TBC1D22A: variants seen among roughly 807,000 people sequenced by gnomAD.
TBC1D22A encodes the protein putative GTPase activator.
A neutral mutation model predicts 60.2 loss-of-function variants in TBC1D22A; 38 were observed. The observed-to-expected ratio is 0.63, with a 90% confidence interval of 0.49 to 0.83. The LOEUF (loss-of-function observed/expected upper bound fraction) is 0.83, where lower values mean the gene tolerates loss of function less well. Ranked by LOEUF, TBC1D22A falls within the 40% of genes least tolerant of loss-of-function variation. The pLI, the probability that TBC1D22A is intolerant of heterozygous loss-of-function variation, is 0.00. For synonymous variants in TBC1D22A, 302 were observed against 281.7 expected (o/e 1.07, Z -0.72); for missense variants, 628 against 701.0 (o/e 0.90, Z 1.18).
chr22:47,086,395 C>T (rs1446180439), intron 11 of TBC1D22A, among the ~76,000 whole-genome samples: 5 of 152,142 alleles, frequency 3.3e-5, no homozygotes, highest in East Asian at 1.9e-4. Context: ...GCGGAGGTTG[C>T]GGTGAGCTGA....
At chr22:47,134,395 C>G (rs1037742813) in intron 12 of TBC1D22A, among the ~76,000 whole-genome samples, 2 of 152,182 alleles carry the variant, frequency 1.3e-5, no homozygotes, top group Non-Finnish European at 2.9e-5. Context: ...GAGGGTGGGC[C>G]AGGGTGGAAG....
intron 11 of TBC1D22A, among the ~76,000 whole-genome samples, chr22:47,049,871 C>T (rs1347062982): frequency 6.6e-6 from 1 of 152,128 alleles, no homozygotes; most frequent in African/African-American, 2.4e-5. Context: ...AGAAATAGTC[C>T]CGTAAAAGAG....
At chr22:46,857,376 A>G (rs751727907) in intron 4 of TBC1D22A, among the ~76,000 whole-genome samples, 34 of 152,174 alleles carry the variant, frequency 2.2e-4, no homozygotes, top group Non-Finnish European at 2.1e-4. Flanking sequence ...AAAGCCCATC[A>G]TCGCTGTAGT....
chr22:46,913,505 G>T (rs1192352720), intron 8 of TBC1D22A: 1 of 1,296,164 alleles, frequency 7.7e-7, no homozygotes, highest in Non-Finnish European at 1.0e-6. Context: ...TTCATAGGAG[G>T]TTGTCTCATT....
intron 11 of TBC1D22A, among the ~76,000 whole-genome samples, chr22:47,080,218 C>G (rs1043107375): frequency 2.0e-5 from 3 of 151,938 alleles, no homozygotes; most frequent in Non-Finnish European, 4.4e-5. Flanking sequence ...ATGAAGAGAC[C>G]AAAAATCAGT....
At chr22:47,166,962 G>A (rs1234714684) in intron 12 of TBC1D22A, among the ~76,000 whole-genome samples, 1 of 152,228 alleles carries the variant, frequency 6.6e-6, no homozygotes, top group Admixed American at 6.5e-5. Flanking sequence ...TGTCCTGGCA[G>A]CTGCCCAGCC....
intron 11 of TBC1D22A, among the ~76,000 whole-genome samples, chr22:47,065,791 G>A (rs1342081646): frequency 6.6e-6 from 1 of 152,176 alleles, no homozygotes; most frequent in African/African-American, 2.4e-5. Flanking sequence ...AGGAGATGCG[G>A]GTTCCTTGGC....
chr22:46,991,273 A>G (rs1009681910), intron 9 of TBC1D22A, among the ~76,000 whole-genome samples: 1 of 152,132 alleles, frequency 6.6e-6, no homozygotes, highest in African/African-American at 2.4e-5. Context: ...GCTTTCTGAG[A>G]ACATGCTGCC....
chr22:47,103,258 G>A (rs1038904209), intron 11 of TBC1D22A, among the ~76,000 whole-genome samples: 2 of 152,166 alleles, frequency 1.3e-5, no homozygotes, highest in Non-Finnish European at 2.9e-5. Context: ...AGGGAAAGCT[G>A]ACACAGGGGA....
chr22:47,018,711 C>T (rs1164221076), intron 10 of TBC1D22A, among the ~76,000 whole-genome samples: 2 of 152,212 alleles, frequency 1.3e-5, no homozygotes, highest in East Asian at 1.9e-4. Context: ...CCCCCACCAC[C>T]GTGTCTCCTG....
intron 1 of TBC1D22A, among the ~76,000 whole-genome samples, chr22:46,780,954 T>C (rs2083907818): frequency 1.3e-5 from 2 of 152,120 alleles, no homozygotes; most frequent in South Asian, 4.1e-4. Flanking sequence ...ATTTAAGCTT[T>C]TCTGAATCAT....
At chr22:47,080,633 A>G (rs2064424883) in intron 11 of TBC1D22A, among the ~76,000 whole-genome samples, 1 of 151,676 alleles carries the variant, frequency 6.6e-6, no homozygotes, top group South Asian at 2.1e-4. Flanking sequence ...AAATATATAT[A>G]TATATATATG....
chr22:46,807,103 G>A (rs889761558), intron 4 of TBC1D22A, among the ~76,000 whole-genome samples: 6 of 152,242 alleles, frequency 3.9e-5, no homozygotes, highest in African/African-American at 9.6e-5. Context: ...CTTTACAGGC[G>A]AAGTTACAGG....
intron 11 of TBC1D22A, among the ~76,000 whole-genome samples, chr22:47,050,197 G>C (rs552921311): frequency 1.3e-5 from 2 of 152,232 alleles, no homozygotes; most frequent in South Asian, 2.1e-4. Flanking sequence ...TAGAGACGGG[G>C]TTTCACCCTG....
intron 10 of TBC1D22A, among the ~76,000 whole-genome samples, chr22:47,002,890 A>C (rs1219453695): frequency 6.6e-6 from 1 of 152,186 alleles, no homozygotes; most frequent in African/African-American, 2.4e-5. Flanking sequence ...CTTAGCTTGC[A>C]AGGAGCAGCA....
intron 9 of TBC1D22A, among the ~76,000 whole-genome samples, chr22:46,978,021 G>A (rs1420806408): frequency 6.6e-6 from 1 of 152,232 alleles, no homozygotes; most frequent in East Asian, 1.9e-4. Context: ...CTCCTTAACA[G>A]CAAAGAGAGG....
intron 11 of TBC1D22A, among the ~76,000 whole-genome samples, chr22:47,093,253 C>T (rs2065047865): frequency 6.6e-6 from 1 of 152,192 alleles, no homozygotes; most frequent in South Asian, 2.1e-4. Context: ...CCAGCAGGCC[C>T]TGTGATCCTG....
intron 8 of TBC1D22A, among the ~76,000 whole-genome samples, chr22:46,930,516 C>T (rs1389949566): frequency 6.6e-6 from 1 of 152,182 alleles, no homozygotes; most frequent in Non-Finnish European, 1.5e-5. Flanking sequence ...AGTGCAATGG[C>T]GCGATCTTGG....
intron 8 of TBC1D22A, among the ~76,000 whole-genome samples, chr22:46,957,520 G>A (rs187420297): frequency 1.1e-4 from 16 of 152,350 alleles, no homozygotes; most frequent in African/African-American, 3.4e-4. Context: ...CACAAGAACA[G>A]CATGGGGGAG....
Sources: gnomAD v4.1 joint callset for allele counts (sites outside exome capture counted in the v4.1 genomes callset) on GRCh38, gnomAD v4.1.1 for gene constraint, MANE v1.5 for transcripts, NCBI Gene and HGNC (gene_info 2026-07-23, HGNC 2026-07-21) for gene names.